Variants in KCNA3 observed in about 807,000 individuals in gnomAD.
KCNA3 encodes the protein potassium voltage-gated channel subfamily A member 3, also known as RP11-284N8.3.
A neutral mutation model predicts 34.3 loss-of-function variants in KCNA3; 18 were observed. The observed-to-expected ratio is 0.52, with a 90% confidence interval of 0.36 to 0.78. KCNA3 has a LOEUF of 0.78. KCNA3 is among the 30% of genes least tolerant of loss of function. KCNA3 has a pLI of 0.00. For missense variants in KCNA3, 587 were observed against 802.5 expected, an observed-to-expected ratio of 0.73 and a Z score of 3.24; for synonymous variants, 324 against 351.7, an observed-to-expected ratio of 0.92 and a Z score of 0.88.
chr1:110,659,571 G>GT, the KCNA3 span, among the ~76,000 whole-genome samples: 1 of 152,088 alleles, frequency 6.6e-6, no homozygotes, highest in South Asian at 2.1e-4. Context: ...CTTTATATGG[G>GT]GGGCTCTTCA....
the KCNA3 span, among the ~76,000 whole-genome samples, chr1:110,660,013 A>C: frequency 6.6e-6 from 1 of 152,136 alleles, no homozygotes; most frequent in Non-Finnish European, 1.5e-5. Flanking sequence ...CAGCAAACCA[A>C]CATGACACAT....
chr1:110,662,802 A>G, the KCNA3 span, among the ~76,000 whole-genome samples: 1 of 152,226 alleles, frequency 6.6e-6, no homozygotes, highest in Non-Finnish European at 1.5e-5. Context: ...TAGGTCTACT[A>G]ATAATAAATA....
At chr1:110,665,906 G>A in the KCNA3 span, among the ~76,000 whole-genome samples, 2 of 152,304 alleles carry the variant, frequency 1.3e-5, no homozygotes, top group African/African-American at 4.8e-5. Flanking sequence ...CAGTGACCTT[G>A]CCAAGTACAC....
chr1:110,662,324 A>T, the KCNA3 span, among the ~76,000 whole-genome samples: 1 of 152,158 alleles, frequency 6.6e-6, no homozygotes, highest in Non-Finnish European at 1.5e-5. Context: ...GTCAAATTTC[A>T]ATAATTATCA....
chr1:110,665,561 A>G, the KCNA3 span, among the ~76,000 whole-genome samples: 2 of 152,208 alleles, frequency 1.3e-5, no homozygotes, highest in African/African-American at 4.8e-5. Flanking sequence ...GATGTCTATT[A>G]GATATCCAAG....
At chr1:110,655,629 T>C in the KCNA3 span, 5 of 152,148 alleles carry the variant, frequency 3.3e-5, no homozygotes, top group Non-Finnish European at 7.4e-5. Context: ...GATTAAATGT[T>C]TTAACTAATT....
chr1:110,674,601 C>T lies in KCNA3; in HGVS notation c.209G>A (p.Gly70Glu). ...HLLEPEVADG[G>E]GAPPQGGCGG... ...ACAGCCGCCTTGAGGCGGGGCCCCT[C>T]CACCATCGGCCACCTCCGGCTCCAG... The change falls in exon 1 of 1, where the codon GGA becomes GAA. Residue 70 changes from glycine to glutamate, a missense_variant. By Grantham distance (98) the Gly-to-Glu change is moderately conservative (BLOSUM62 -2). Around this residue, in one of 7 missense-constraint regions of KCNA3, gnomAD observed 341 missense variants for 355.4 expected, o/e 0.96. Coordinates refer to ENST00000369769, the MANE Select transcript of KCNA3 (RefSeq NM_002232.5). This position sits in a 1 kb window ranked among gnomAD's most constrained non-coding sequence, Gnocchi z 6.4. 6.4e-7 allele frequency: 1 copy of T among 1,563,228 alleles called. No homozygotes were observed. The highest frequency in any genetic ancestry group is 8.6e-7 in the Non-Finnish European group (1 of 1,160,432).
the KCNA3 span, among the ~76,000 whole-genome samples, chr1:110,666,663 C>T: frequency 7.0e-4 from 106 of 152,138 alleles, no homozygotes; most frequent in Non-Finnish European, 1.4e-3. Flanking sequence ...GTCAGACTGG[C>T]CACAAGAAAT....
chr1:110,672,007 G>A (rs1438543160), downstream of KCNA3, among the ~76,000 whole-genome samples: 1 of 152,122 alleles, frequency 6.6e-6, no homozygotes, highest in Non-Finnish European at 1.5e-5. Context: ...CACCTCCTTA[G>A]AGTCTCAGAC....
At chr1:110,664,910 G>A in the KCNA3 span, among the ~76,000 whole-genome samples, 3 of 152,182 alleles carry the variant, frequency 2.0e-5, no homozygotes, top group Non-Finnish European at 4.4e-5. Context: ...GCTATCAGAT[G>A]CCAGAACATC....
chr1:110,656,232 C>CTGTTTAGGTA, the KCNA3 span: 1 of 152,096 alleles, frequency 6.6e-6, no homozygotes, highest in Non-Finnish European at 1.5e-5. Context: ...AACAGACATT[C>CTGTTTAGGTA]TGTTTAGGTA....
chr1:110,659,943 G>A, the KCNA3 span, among the ~76,000 whole-genome samples: 1 of 151,598 alleles, frequency 6.6e-6, no homozygotes, highest in Non-Finnish European at 1.5e-5. Context: ...GGGGGCTGGG[G>A]GGCTAGGGAA....
the KCNA3 span, among the ~76,000 whole-genome samples, chr1:110,661,346 A>G: frequency 1.3e-5 from 2 of 152,192 alleles, no homozygotes; most frequent in African/African-American, 4.8e-5. Flanking sequence ...ACACTCGGTC[A>G]CCTTGATCTC....
At chr1:110,662,622 A>C in the KCNA3 span, among the ~76,000 whole-genome samples, 1 of 152,184 alleles carries the variant, frequency 6.6e-6, no homozygotes, top group East Asian at 1.9e-4. Context: ...GATTCTATAT[A>C]ATTCTCTGAT....
Position 110,672,849 on chromosome 1 carries a change from TAAGA to T in KCNA3, c.*229_*232del. On this transcript the variant is annotated 3_prime_UTR_variant, in exon 1 of 1. Transcript: ENST00000369769. ...AACGTAAGTCTGTTGTTTACAATGTTAAGAGAGAGAGGGTAAGAGGGAAAAGGAG... is the reference window on the plus strand; with the variant it reads ...AACGTAAGTCTGTTGTTTACAATGTTGAGAGAGGGTAAGAGGGAAAAGGAG... 1.9e-6 allele frequency: 1 copy of T among 513,044 alleles called. No homozygotes were observed. Among genetic ancestry groups the T allele is most frequent in the Non-Finnish European group, 3.4e-6 (1 of 290,362 alleles). 31.8% of individuals were successfully genotyped at this position (513,044 alleles called of 1,614,324 possible).
rs1244336056 is a variant in KCNA3 at position 110,674,195 on chromosome 1, C to T, written c.615G>A (p.Arg205=). ...GGCGGGGCAAGGGCCGCTCCTCCTC[C>T]CGCAGGAAGCCCTCGTCCTCGCGGA... is the stretch of plus-strand genomic sequence containing the variant. The part of the protein sequence containing the change: ...EKFREDEGFL[R]EEERPLPRRD... Residue 205 remains arginine, a synonymous_variant, in exon 1 of 1, where the codon CGG becomes CGA. Coordinates refer to ENST00000369769, the MANE Select transcript of KCNA3 (RefSeq NM_002232.5). The surrounding 1 kb of genome is among the most constrained non-coding windows in gnomAD (Gnocchi z 6.4). The T allele has an allele frequency of 1.2e-6, 2 of 1,612,794 alleles. No individual in the cohort carries two copies. The highest frequency in any genetic ancestry group is 1.3e-5 in the African/African-American group (1 of 74,922).
Position 110,673,760 on chromosome 1 carries a change from T to C in KCNA3, c.1050A>G (p.Arg350=). ...ACATGGCCTGCTGTCCATTGCCCTG[T>C]CGTTCGGCCAGCTCGGTACCCAGAG... The part of the protein sequence containing the change: ...FITLGTELAE[R]QGNGQQAMSL... The change falls in exon 1 of 1, where the codon CGA becomes CGG. Residue 350 remains arginine (R), a synonymous_variant. Coordinates refer to ENST00000369769, the MANE Select transcript of KCNA3 (RefSeq NM_002232.5). The surrounding 1 kb of genome is among the most constrained non-coding windows in gnomAD (Gnocchi z 8.8). The C allele has an allele frequency of 6.2e-7, 1 of 1,614,108 alleles. No individual in the cohort carries two copies. Among genetic ancestry groups the C allele is most frequent in the East Asian group, 2.2e-5 (1 of 44,870 alleles).
the KCNA3 span, among the ~76,000 whole-genome samples, chr1:110,659,362 T>G: frequency 6.6e-6 from 1 of 152,354 alleles, no homozygotes; most frequent in East Asian, 1.9e-4. Context: ...TATGCACGCA[T>G]TATGAAGCGA....
Position 110,674,275 on chromosome 1 carries a change from T to C in KCNA3, c.535A>G (p.Ile179Val). ...IRRPVNVPID[I>V]FSEEIRFYQL... ...TAGAAGCGGATCTCCTCGGAGAAAA[T>C]GTCGATGGGCACGTTGACCGGCCGG... The change falls in exon 1 of 1, where the codon ATT becomes GTT. Residue 179 changes from isoleucine to valine, a missense_variant. Ile to Val is a conservative substitution (Grantham distance 29). This residue lies in a region of KCNA3 where 341 missense variants were observed against 355.4 expected (regional missense o/e 0.96). Coordinates refer to ENST00000369769, the MANE Select transcript of KCNA3 (RefSeq NM_002232.5). The surrounding 1 kb of genome is among the most constrained non-coding windows in gnomAD (Gnocchi z 6.4). The C allele has an allele frequency of 1.2e-6, 2 of 1,614,044 alleles. No homozygotes were observed. The highest frequency in any genetic ancestry group is 1.7e-6 in the Non-Finnish European group (2 of 1,179,982).
Sources: gnomAD v4.1 joint callset for allele counts (sites outside exome capture counted in the v4.1 genomes callset) on GRCh38, gnomAD v4.1.1 for gene constraint, gnomAD v4.1.1 regional missense constraint, Gnocchi (gnomAD v3.1) non-coding constraint, MANE v1.5 for transcripts, NCBI Gene and HGNC (gene_info 2026-07-23, HGNC 2026-07-21) for gene names.